EIF2D: variants seen among roughly 807,000 people sequenced by gnomAD.
EIF2D encodes hepatocellular carcinoma-associated antigen 56.
EIF2D carries 56 observed loss-of-function variants against 77.4 expected under a neutral mutation model. The ratio of observed to expected loss-of-function variants is 0.72; its 90% confidence interval spans 0.58 to 0.90. The LOEUF (loss-of-function observed/expected upper bound fraction) is 0.90, where lower values mean the gene tolerates loss of function less well. Ranked by LOEUF, EIF2D falls within the 40% of genes least tolerant of loss-of-function variation. The pLI is 0.00. For missense variants in EIF2D, 574 were observed against 706.5 expected (o/e 0.81, Z 2.13); for synonymous variants, 230 against 271.0 (o/e 0.85, Z 1.49).
chr1:206,599,440 A>C lies in EIF2D; in HGVS notation c.1202+23T>G, dbSNP rs782343563. Reference sequence around the variant, plus strand: ...GGCCAGAACACCAAGCAGGCAGAGAAGGGCTGCTCTCCAAAAACTCACTTG... The same window carrying C: ...GGCCAGAACACCAAGCAGGCAGAGACGGGCTGCTCTCCAAAAACTCACTTG... On this transcript the variant is annotated intron_variant, in intron 10 of 14. Coordinates refer to ENST00000271764, the MANE Select transcript of EIF2D (RefSeq NM_006893.3). This position sits in a 1 kb window ranked among gnomAD's most constrained non-coding sequence, Gnocchi z 4.1. 1.9e-6 allele frequency: 3 copies of C among 1,612,280 alleles called. No homozygotes were observed. In the South Asian group the frequency reaches 3.3e-5, roughly 18 times the overall value.
At chr1:206,591,961 GGACT>G in intron 14 of EIF2D, 116 bp from the exon 15 acceptor site, 1 of 966,270 alleles carries the variant, frequency 1.0e-6, no homozygotes, top group Non-Finnish European at 1.7e-6. Context: ...CTCAACTTCG[GGACT>G]GACCACTTAC....
In EIF2D at chr1:206,603,092, T is replaced by C; in HGVS notation, c.643A>G (p.Met215Val). 1 of 1,614,230 alleles carries C rather than the reference T, an allele frequency of 6.2e-7. No individual in the cohort carries two copies. Among genetic ancestry groups the C allele is most frequent in the Middle Eastern group, 1.6e-4 (1 of 6,062 alleles). The change falls in exon 6 of 15, where the codon ATG (methionine) becomes GTG (valine). Residue 215 changes from methionine (M) to valine (V), a missense_variant. Transcript: ENST00000271764. ...VQMDSTLQGD[M>V]RHMTLEGEEE... The stretch of plus-strand genomic sequence containing the variant: ...TCCCCCTCCAGGGTCATGTGCCTCA[T>C]GTCTCCCTGCAGGGTGGAGTCCATC...
chr1:206,611,588 C>T (rs1251013535), intron 1 of EIF2D, among the ~76,000 whole-genome samples: 3 of 152,198 alleles, frequency 2.0e-5, no homozygotes, highest in Admixed American at 6.5e-5. Flanking sequence ...GGTATGCCTT[C>T]CCATTTTATG....
In EIF2D at chr1:206,593,699, T is replaced by C. The variant is rs369044999; in HGVS notation, c.1604A>G (p.Asn535Ser). 17 of 1,613,958 alleles carry C rather than the reference T, an allele frequency of 1.1e-5. No individual in the cohort carries two copies. Among genetic ancestry groups the C allele is most frequent in the South Asian group, 9.9e-5 (9 of 91,054 alleles). Residue 535 changes from asparagine to serine, a missense_variant, in exon 14 of 15, where the codon AAT becomes AGT. Transcript: ENST00000271764. ...GCTGTCCTTGGCCCCAGGGGCAGGATTGACGGTGGTGCTAGCCTGGCATCG... is the reference window on the plus strand; with the variant it reads ...GCTGTCCTTGGCCCCAGGGGCAGGACTGACGGTGGTGCTAGCCTGGCATCG... ...QQRCQASTTV[N>S]PAPGAKDSLQ...
intron 4 of EIF2D, among the ~76,000 whole-genome samples, chr1:206,577,574 A>C (rs1356790171): frequency 6.6e-6 from 1 of 152,206 alleles, no homozygotes; most frequent in Non-Finnish European, 1.5e-5. Flanking sequence ...TGGGAGTCAG[A>C]AGCCCAACAC....
chr1:206,586,777 C>A, downstream of EIF2D: 1 of 1,484,152 alleles, frequency 6.7e-7, no homozygotes, highest in Non-Finnish European at 9.3e-7. Flanking sequence ...CAACTTCTAA[C>A]CTGTCTCCTA....
At position 206,599,423 on chromosome 1, in the gene EIF2D, C is replaced by T; in HGVS notation, c.1202+40G>A. On this transcript the variant is annotated intron_variant, in intron 10 of 14. Transcript: ENST00000271764. This position sits in a 1 kb window ranked among gnomAD's most constrained non-coding sequence, Gnocchi z 4.1. ...GGTTGAGAGGAACTGTAGGCCAGAA[C>T]ACCAAGCAGGCAGAGAAGGGCTGCT... The T allele has an allele frequency of 6.2e-7, 1 of 1,608,200 alleles. No homozygotes were observed. Among genetic ancestry groups the T allele is most frequent in the South Asian group, 1.1e-5 (1 of 90,400 alleles).
At chr1:206,593,590 T>C in intron 14 of EIF2D, 29 bp downstream of exon 14, 2 of 1,527,030 alleles carry the variant, frequency 1.3e-6, no homozygotes, top group Middle Eastern at 1.8e-4. Context: ...GCTAGACCAA[T>C]GCCTCCACTC....
intron 4 of EIF2D, among the ~76,000 whole-genome samples, chr1:206,573,093 G>C (rs1224034154): frequency 6.6e-6 from 1 of 152,208 alleles, no homozygotes; most frequent in Non-Finnish European, 1.5e-5. Flanking sequence ...AGTGCTTACT[G>C]TGTACTTTGT....
rs1669830992 is a variant in EIF2D, at chr1:206,599,770, C to A, written c.1015G>T (p.Val339Leu). 2 of 1,614,074 alleles carry A rather than the reference C, an allele frequency of 1.2e-6. No homozygotes were observed. The highest frequency in any genetic ancestry group is 1.7e-6 in the Non-Finnish European group (2 of 1,180,040). Residue 339 changes from valine to leucine, a missense_variant, in exon 9 of 15, where the codon GTG becomes TTG. Physicochemically the swap from Val to Leu is conservative, Grantham distance 32. Transcript: ENST00000271764. The surrounding 1 kb of genome is among the most constrained non-coding windows in gnomAD (Gnocchi z 4.1). ...CAGTCCACAGCCACAATGCTCTCCA[C>A]CCCTTTGCTCAGCTCCTTCACCTGT... ...IIQVKELSKGVESIVAVDWKH... is the reference protein window; with the variant it reads ...IIQVKELSKGLESIVAVDWKH...
At chr1:206,575,911 G>A (rs1553405119) in intron 4 of EIF2D, among the ~76,000 whole-genome samples, 1 of 152,242 alleles carries the variant, frequency 6.6e-6, no homozygotes, top group Non-Finnish European at 1.5e-5. Context: ...CCCTCAGGGT[G>A]CAGCTGAGTG....
chr1:206,605,129 C>G (rs1670137733), intron 5 of EIF2D: 2 of 298,044 alleles, frequency 6.7e-6, no homozygotes, highest in Non-Finnish European at 1.3e-5. Flanking sequence ...AAACGAGTAT[C>G]ACTGTACTGA....
At chr1:206,577,551 A>G (rs560335691) in intron 4 of EIF2D, among the ~76,000 whole-genome samples, 1 of 152,228 alleles carries the variant, frequency 6.6e-6, no homozygotes, top group Non-Finnish European at 1.5e-5. Context: ...TCTCAAGATC[A>G]TGTAGTTAGT....
downstream of EIF2D, chr1:206,591,632 G>A (rs1553408959): frequency 1.3e-6 from 1 of 763,406 alleles, no homozygotes; most frequent in African/African-American, 1.8e-5. Flanking sequence ...GAAACAAGAG[G>A]GAAGTCAGAT....
Position 206,599,510 on chromosome 1 carries a change from G to GTA in EIF2D, c.1153_1154dup (p.Cys386ThrfsTer7). 6.2e-7 allele frequency: 1 copy of GTA among 1,613,742 alleles called. No individual in the cohort carries two copies. Among genetic ancestry groups the GTA allele is most frequent in the Non-Finnish European group, 8.5e-7 (1 of 1,179,806 alleles). ...GCAGGGTCATGCTGGCTGGGACACA[G>GTA]TAGAGGGGTTTTATATCTGGAGGGT... On this transcript the variant is annotated frameshift_variant, in exon 10 of 15. Transcript: ENST00000271764. LOFTEE classifies it high-confidence loss of function. The surrounding 1 kb of genome is among the most constrained non-coding windows in gnomAD (Gnocchi z 4.1).
chr1:206,590,004 T>C (rs1404664799), downstream of EIF2D, among the ~76,000 whole-genome samples: 9 of 152,266 alleles, frequency 5.9e-5, no homozygotes, highest in Non-Finnish European at 1.5e-5. Flanking sequence ...AAGCACTTTC[T>C]GCTTTTCATT....
At chr1:206,587,312 G>A, downstream of EIF2D, 1 of 353,294 alleles carries the variant, frequency 2.8e-6, no homozygotes, top group South Asian at 2.3e-5. Context: ...AGCCGGCAAA[G>A]GAAGGAAGAA....
At chr1:206,587,450 C>T (rs1023478370), downstream of EIF2D, 10 of 221,434 alleles carry the variant, frequency 4.5e-5, no homozygotes, top group African/African-American at 2.4e-4. Flanking sequence ...CTGAGCTAAG[C>T]CCCTGAAAGC....
Position 206,599,368 on chromosome 1 carries a change from G to A in EIF2D, c.1202+95C>T. On this transcript the variant is annotated intron_variant, in intron 10 of 14. Coordinates refer to ENST00000271764, the MANE Select transcript of EIF2D (RefSeq NM_006893.3). The surrounding 1 kb of genome is among the most constrained non-coding windows in gnomAD (Gnocchi z 4.1). Reference sequence around the variant, plus strand: ...GAAGGGGAGAACAGGGGCAGAGCAGGTTTTGCCAGTCGCAAAAGAGCACTA... The same window carrying A: ...GAAGGGGAGAACAGGGGCAGAGCAGATTTTGCCAGTCGCAAAAGAGCACTA... 1.3e-6 allele frequency: 2 copies of A among 1,492,298 alleles called. No individual in the cohort carries two copies. Among genetic ancestry groups the A allele is most frequent in the Admixed American group, 3.8e-5 (2 of 52,144 alleles). 92.4% of individuals were successfully genotyped at this position (1,492,298 alleles called of 1,614,324 possible).
Sources: gnomAD v4.1 joint callset for allele counts (sites outside exome capture counted in the v4.1 genomes callset) on GRCh38, gnomAD v4.1.1 for gene constraint, Gnocchi (gnomAD v3.1) non-coding constraint, MANE v1.5 for transcripts, NCBI Gene and HGNC (gene_info 2026-07-23, HGNC 2026-07-21) for gene names.